The following DPP6 variants were observed in gnomAD, a reference collection of about 807,000 sequenced individuals.
The protein encoded by DPP6 is A-type potassium channel modulatory protein DPP6.
DPP6 carries 69 observed loss-of-function variants against 122.6 expected under a neutral mutation model. That is an observed-to-expected ratio of 0.56 (90% confidence interval 0.46 to 0.69). DPP6 has a LOEUF of 0.69. Among genes scored for constraint, DPP6 ranks in the 30% least tolerant of loss-of-function variants. The pLI, the probability that DPP6 is intolerant of heterozygous loss-of-function variation, is 0.00. For missense variants in DPP6, 928 were observed against 1,116.9 expected (o/e 0.83, Z 2.41); for synonymous variants, 418 against 433.1 (o/e 0.97, Z 0.43).
At chr7:153,804,575 G>A in the DPP6 span, among the ~76,000 whole-genome samples, 1 of 152,090 alleles carries the variant, frequency 6.6e-6, no homozygotes, top group Non-Finnish European at 1.5e-5. Context: ...TTAGGATGGT[G>A]CAAAAGTAAT....
At chr7:154,561,445 T>C (rs1356075199) in intron 4 of DPP6, among the ~76,000 whole-genome samples, 3 of 152,154 alleles carry the variant, frequency 2.0e-5, no homozygotes, top group Non-Finnish European at 4.4e-5. Context: ...AGAAAAAATA[T>C]CTGGAATGTA....
intron 7 of DPP6, among the ~76,000 whole-genome samples, chr7:154,676,200 G>T (rs1338390032): frequency 6.6e-6 from 1 of 150,916 alleles, no homozygotes; most frequent in Admixed American, 6.6e-5. Context: ...GCAGCGTGCT[G>T]TCTGGAGGTC....
chr7:154,766,611 GT>G (rs1231289912), intron 8 of DPP6, among the ~76,000 whole-genome samples: 2 of 152,136 alleles, frequency 1.3e-5, no homozygotes, highest in Non-Finnish European at 2.9e-5. Flanking sequence ...CCTTCTAACC[GT>G]TACATTTGGT....
the DPP6 span, among the ~76,000 whole-genome samples, chr7:153,847,014 C>T: frequency 1.3e-5 from 2 of 152,062 alleles, no homozygotes; most frequent in South Asian, 4.1e-4. Flanking sequence ...ATTTTTTCCT[C>T]TCTATTTTTC....
At chr7:153,977,877 C>G (rs578125254) in intron 1 of DPP6, among the ~76,000 whole-genome samples, 198 of 152,222 alleles carry the variant, frequency 1.3e-3, no homozygotes, top group African/African-American at 4.6e-3. Context: ...CTGAAAAGGA[C>G]ACGAACTCAT....
intron 1 of DPP6, among the ~76,000 whole-genome samples, chr7:154,342,930 T>C (rs1810056960): frequency 6.6e-6 from 1 of 152,206 alleles, no homozygotes; most frequent in Non-Finnish European, 1.5e-5. Context: ...TCAAAATTTA[T>C]TTATTAAAGA....
chr7:154,196,840 T>C (rs555959778), intron 1 of DPP6, among the ~76,000 whole-genome samples: 5 of 152,258 alleles, frequency 3.3e-5, no homozygotes, highest in African/African-American at 9.6e-5. Context: ...CTATCCCGTT[T>C]CCACTTAATT....
the DPP6 span, among the ~76,000 whole-genome samples, chr7:153,782,722 C>A: frequency 6.6e-6 from 1 of 152,118 alleles, no homozygotes; most frequent in Non-Finnish European, 1.5e-5. Context: ...AAAAATGGAG[C>A]TGTTTATGTG....
In DPP6 at chr7:154,607,292, G is replaced by A. The variant is rs1051496263; in HGVS notation, c.628-30529G>A. Among the ~76,000 whole-genome samples the A allele has an allele frequency of 1.7e-5, 2 of 119,088 alleles. 1 individual carries two copies. Among genetic ancestry groups the A allele is most frequent in the Non-Finnish European group, 3.8e-5 (2 of 53,226 alleles). 78.1% of individuals were successfully genotyped at this position (119,088 alleles called of 152,430 possible). Reference sequence around the variant, plus strand: ...AGAAAAAGTTGAGCCGGGCGCGGTGGCTCACACCTATAATCCCAGCACTTT... The same window carrying A: ...AGAAAAAGTTGAGCCGGGCGCGGTGACTCACACCTATAATCCCAGCACTTT... On this transcript the variant is annotated intron_variant, in intron 5 of 25. Transcript: ENST00000377770.
At chr7:154,177,648 C>T (rs1400953662) in intron 1 of DPP6, among the ~76,000 whole-genome samples, 1 of 152,140 alleles carries the variant, frequency 6.6e-6, no homozygotes, top group African/African-American at 2.4e-5. Flanking sequence ...CCTTTACGCA[C>T]TTTTTAAAAT....
intron 1 of DPP6, among the ~76,000 whole-genome samples, chr7:154,170,009 C>G (rs1281921113): frequency 1.3e-5 from 2 of 152,222 alleles, no homozygotes; most frequent in African/African-American, 4.8e-5. Context: ...CAGGCATGAG[C>G]CACTGCGCTT....
chr7:154,713,191 G>T (rs1007925851), intron 7 of DPP6, among the ~76,000 whole-genome samples: 12 of 152,258 alleles, frequency 7.9e-5, no homozygotes, highest in Non-Finnish European at 1.5e-4. Context: ...GAGCGCCCAT[G>T]GGGGCAGCTC....
At chr7:154,595,804 TA>T (rs1483671305) in intron 5 of DPP6, among the ~76,000 whole-genome samples, 1 of 152,240 alleles carries the variant, frequency 6.6e-6, no homozygotes, top group African/African-American at 2.4e-5. Flanking sequence ...CTCACGCCTG[TA>T]ATCCCAGTAC....
At chr7:154,538,334 C>G (rs999640703) in intron 3 of DPP6, among the ~76,000 whole-genome samples, 1 of 152,112 alleles carries the variant, frequency 6.6e-6, no homozygotes, top group South Asian at 2.1e-4. Context: ...CACCTATCAA[C>G]CCATCACCTA....
intron 1 of DPP6, among the ~76,000 whole-genome samples, chr7:154,378,981 C>A (rs77206832): frequency 6.6e-6 from 1 of 152,182 alleles, no homozygotes; most frequent in African/African-American, 2.4e-5. Context: ...AAGTCCCTCC[C>A]TCAACGTGTG....
At chr7:154,485,859 T>C (rs1358975350) in intron 3 of DPP6, among the ~76,000 whole-genome samples, 1 of 152,130 alleles carries the variant, frequency 6.6e-6, no homozygotes, top group African/African-American at 2.4e-5. Flanking sequence ...TTGTTACATA[T>C]GTATACATGT....
intron 8 of DPP6, among the ~76,000 whole-genome samples, chr7:154,757,100 C>T (rs1843722509): frequency 6.6e-6 from 1 of 151,734 alleles, no homozygotes; most frequent in Non-Finnish European, 1.5e-5. Flanking sequence ...AGCCCTTTCT[C>T]CATCCCTCAG....
intron 3 of DPP6, among the ~76,000 whole-genome samples, chr7:154,516,745 A>C (rs1826547513): frequency 6.6e-6 from 1 of 152,212 alleles, no homozygotes; most frequent in Non-Finnish European, 1.5e-5. Flanking sequence ...TAGAAGCATA[A>C]GCAGAAATCA....
In DPP6 at chr7:154,274,616, C is replaced by T. The variant is rs559752663; in HGVS notation, c.244-171598C>T. On this transcript the variant is annotated intron_variant, in intron 1 of 25. Transcript: ENST00000377770. The stretch of plus-strand genomic sequence containing the variant: ...CACTTTAGAAGATTTGATTCTTCTG[C>T]AAGAAGAATTCTCCTGTTAAATATG... Among the ~76,000 whole-genome samples, 52 of 152,300 alleles carry T rather than the reference C, an allele frequency of 3.4e-4. No homozygotes were observed. The South Asian group carries it at 7.5e-3, about 22-fold the overall frequency.
Sources: gnomAD v4.1 joint callset for allele counts (sites outside exome capture counted in the v4.1 genomes callset) on GRCh38, gnomAD v4.1.1 for gene constraint, MANE v1.5 for transcripts, NCBI Gene and HGNC (gene_info 2026-07-23, HGNC 2026-07-21) for gene names.